CBR4: variants seen among roughly 807,000 people sequenced by gnomAD.
CBR4 encodes the protein carbonyl reductase 4, also known as 3-oxoacyl-[acyl-carrier-protein] reductase.
A neutral mutation model predicts 21.0 loss-of-function variants in CBR4; 22 were observed. That is an observed-to-expected ratio of 1.05 (90% CI 0.75 to 1.50). The LOEUF (loss-of-function observed/expected upper bound fraction) is 1.50, where lower values mean the gene tolerates loss of function less well. CBR4 is among the 40% of genes most tolerant of loss of function. CBR4 has a pLI of 0.00. For missense variants in CBR4, 302 were observed against 286.3 expected, an observed-to-expected ratio of 1.05 and a Z score of -0.40; for synonymous variants, 100 against 104.4, an observed-to-expected ratio of 0.96 and a Z score of 0.26.
intron 2 of CBR4, chr4:168,896,574 T>G: frequency 6.6e-7 from 1 of 1,517,138 alleles, no homozygotes; most frequent in South Asian, 1.2e-5. Flanking sequence ...CATGCTTCTG[T>G]AGGGAGTCCT....
chr4:168,985,362 T>C (rs780466724), downstream of CBR4, among the ~76,000 whole-genome samples: 1 of 152,076 alleles, frequency 6.6e-6, no homozygotes, highest in Non-Finnish European at 1.5e-5. Flanking sequence ...GCCACTCAGA[T>C]TGGCTATTAT....
intron 4 of CBR4, among the ~76,000 whole-genome samples, chr4:168,993,884 T>TA (rs1008594978): frequency 4.6e-5 from 7 of 151,946 alleles, no homozygotes; most frequent in Admixed American, 6.6e-5. Flanking sequence ...ATTTTGTGGT[T>TA]AAAAAAAACC....
At chr4:169,007,963 C>T (rs1364122987) in intron 1 of CBR4, among the ~76,000 whole-genome samples, 1 of 152,152 alleles carries the variant, frequency 6.6e-6, no homozygotes, top group African/African-American at 2.4e-5. Flanking sequence ...AGTACTACTA[C>T]AGAAAGTTAA....
At chr4:168,969,923 T>C (rs1403421341) in intron 2 of CBR4, among the ~76,000 whole-genome samples, 1 of 151,916 alleles carries the variant, frequency 6.6e-6, no homozygotes, top group Non-Finnish European at 1.5e-5. Context: ...CCTATATCAA[T>C]TGATATTATC....
intron 2 of CBR4, among the ~76,000 whole-genome samples, chr4:168,963,718 C>T (rs563448260): frequency 6.6e-6 from 1 of 152,162 alleles, no homozygotes; most frequent in South Asian, 2.1e-4. Context: ...GATCTGCCCA[C>T]CTCAGCCTCC....
intron 2 of CBR4, among the ~76,000 whole-genome samples, chr4:168,942,727 T>G (rs1560955764): frequency 6.6e-6 from 1 of 152,152 alleles, no homozygotes; most frequent in South Asian, 2.1e-4. Context: ...ACTCTTCACC[T>G]GACAGGGGAT....
intron 2 of CBR4, chr4:168,926,894 C>T: frequency 4.6e-6 from 1 of 219,162 alleles, no homozygotes; most frequent in Non-Finnish European, 9.2e-6. Flanking sequence ...AAGTAAATGC[C>T]TTGTCTTTGC....
chr4:169,004,114 A>T (rs539476095), intron 3 of CBR4, among the ~76,000 whole-genome samples: 9 of 152,098 alleles, frequency 5.9e-5, no homozygotes, highest in East Asian at 1.9e-4. Context: ...ATAAAAAAAT[A>T]AAAAAAATAA....
chr4:168,940,980 G>A (rs959231798), intron 2 of CBR4, among the ~76,000 whole-genome samples: 12 of 152,130 alleles, frequency 7.9e-5, no homozygotes, highest in Non-Finnish European at 1.5e-4. Context: ...CAACGCACAC[G>A]TATGTATACT....
intron 2 of CBR4, among the ~76,000 whole-genome samples, chr4:168,961,969 AG>A (rs1763873076): frequency 3.5e-5 from 5 of 143,342 alleles, no homozygotes; most frequent in African/African-American, 5.3e-5. Context: ...AGAGGAGAGG[AG>A]AGGAGAGGAG....
At chr4:168,958,735 C>A (rs1422597893) in intron 2 of CBR4, among the ~76,000 whole-genome samples, 5 of 152,166 alleles carry the variant, frequency 3.3e-5, no homozygotes, top group African/African-American at 4.8e-5. Context: ...TTCCTTTCAG[C>A]CATTCTAATG....
chr4:168,915,977 C>G, intron 2 of CBR4: 1 of 1,613,772 alleles, frequency 6.2e-7, no homozygotes, highest in Non-Finnish European at 8.5e-7. Flanking sequence ...CTTGCAGGCT[C>G]CTGGAGATCT....
At chr4:168,900,339 G>A (rs1209359325) in intron 2 of CBR4, among the ~76,000 whole-genome samples, 2 of 152,036 alleles carry the variant, frequency 1.3e-5, no homozygotes, top group Non-Finnish European at 2.9e-5. Context: ...GCCAAGTATT[G>A]CACAATATTG....
intron 1 of CBR4, among the ~76,000 whole-genome samples, chr4:169,008,315 CG>C (rs200318511): frequency 2.6e-5 from 4 of 151,464 alleles, no homozygotes; most frequent in South Asian, 2.1e-4. Context: ...CTACAAACCA[CG>C]GGGGGAAAAA....
chr4:168,966,356 CA>C (rs1215042926), intron 2 of CBR4, among the ~76,000 whole-genome samples: 2,231 of 75,114 alleles, frequency 0.03, 16 homozygotes, highest in South Asian at 0.041. Context: ...ACTAAAAATA[CA>C]AAAAAAAAAA....
At chr4:168,949,879 T>C (rs1763490436) in intron 2 of CBR4, among the ~76,000 whole-genome samples, 2 of 152,216 alleles carry the variant, frequency 1.3e-5, no homozygotes, top group Non-Finnish European at 2.9e-5. Flanking sequence ...CCATCTCTTC[T>C]AGGTTTTCTA....
chr4:168,921,450 A>C, intron 2 of CBR4: 1 of 688,676 alleles, frequency 1.5e-6, no homozygotes, highest in Non-Finnish European at 2.5e-6. Flanking sequence ...CTACTGAAGG[A>C]GGAATTTATG....
In CBR4 at chr4:169,009,998, AC is replaced by A; in HGVS notation, c.91del (p.Val31SerfsTer44). The A allele has an allele frequency of 1.2e-6, 2 of 1,613,342 alleles. No homozygotes were observed. Among genetic ancestry groups the A allele is most frequent in the Non-Finnish European group, 1.7e-6 (2 of 1,179,806 alleles). On this transcript the variant is annotated frameshift_variant, in exon 1 of 5. Coordinates refer to ENST00000306193, the MANE Select transcript of CBR4 (RefSeq NM_032783.5). LOFTEE classifies it high-confidence loss of function. ...GGCCCCTTCCAGGTTTCTGGCAATG[AC>A]CGCCAGTCGGTAGCCTTTCCGGGCC... ...LMARKGYRLA[V>X]IARNLEGAKA...
In CBR4 at chr4:168,990,344, T is replaced by C. The variant is rs546995530; in HGVS notation, c.536-16A>G. ...TGTACAAATCCTAAAAGAGAAATGT[T>C]TGTTTAGTTGAAAAGGGTACACACT... On this transcript the variant is annotated splice_polypyrimidine_tract_variant and intron_variant, in intron 4 of 4. Transcript: ENST00000306193. 18 of 1,569,424 alleles carry C rather than the reference T, an allele frequency of 1.1e-5. No homozygotes were observed. In the African/African-American group the frequency reaches 2.2e-4, roughly 19 times the overall value.
Sources: allele counts gnomAD v4.1 joint callset (sites outside exome capture counted in the v4.1 genomes callset), GRCh38; gene constraint gnomAD v4.1.1; transcripts MANE v1.5; gene names NCBI Gene and HGNC (gene_info 2026-07-23, HGNC 2026-07-21).